KLHL29: variants seen among roughly 807,000 people sequenced by gnomAD.
KLHL29 encodes the protein kelch-like protein 29.
In KLHL29, 21 loss-of-function variants were observed where a neutral mutation model predicts 80.4. That is an observed-to-expected ratio of 0.26 (90% CI 0.19 to 0.38). The LOEUF (loss-of-function observed/expected upper bound fraction) is 0.38, where lower values mean the gene tolerates loss of function less well. Among genes scored for constraint, KLHL29 ranks in the 10% least tolerant of loss-of-function variants. KLHL29 has a pLI of 1.00. For synonymous variants in KLHL29, 511 were observed against 526.8 expected, an observed-to-expected ratio of 0.97 and a Z score of 0.41; for missense variants, 867 against 1,223.9, an observed-to-expected ratio of 0.71 and a Z score of 4.35.
intron 5 of KLHL29, among the ~76,000 whole-genome samples, chr2:23,664,055 T>C (rs189127146): frequency 6.6e-6 from 1 of 152,340 alleles, no homozygotes; most frequent in African/African-American, 2.4e-5. Context: ...AATATGCGCT[T>C]ATGCATTGTA....
At chr2:23,640,100 C>T (rs1220102380) in intron 4 of KLHL29, among the ~76,000 whole-genome samples, 1 of 152,156 alleles carries the variant, frequency 6.6e-6, no homozygotes, top group Non-Finnish European at 1.5e-5. Flanking sequence ...CCAGCAGCTA[C>T]GGTTACCCCT....
At chr2:23,501,415 G>A (rs1218119157) in intron 2 of KLHL29, among the ~76,000 whole-genome samples, 4 of 152,084 alleles carry the variant, frequency 2.6e-5, no homozygotes, top group East Asian at 1.9e-4. Context: ...GGAGATAGCC[G>A]CGGCCGAGAG....
At chr2:23,474,079 A>G (rs1017848736) in intron 1 of KLHL29, among the ~76,000 whole-genome samples, 3 of 152,154 alleles carry the variant, frequency 2.0e-5, no homozygotes, top group Admixed American at 6.5e-5. Flanking sequence ...AATAAATTGC[A>G]TATACTACCT....
chr2:23,657,280 G>A (rs1670273578), intron 5 of KLHL29, among the ~76,000 whole-genome samples: 1 of 152,188 alleles, frequency 6.6e-6, no homozygotes, highest in Non-Finnish European at 1.5e-5. Context: ...GAGGACGAAG[G>A]CAGTTCGTGA....
chr2:23,706,682 C>A lies in KLHL29; in HGVS notation c.*18C>A, dbSNP rs1170540565. The stretch of plus-strand genomic sequence containing the variant: ...GCGGCTGACATCAGCAGAAAGCCCA[C>A]GATAAGACTGTGGACAAGTCTGGTG... On this transcript the variant is annotated 3_prime_UTR_variant, in exon 14 of 14. Coordinates refer to ENST00000486442, the MANE Select transcript of KLHL29 (RefSeq NM_052920.2). 8 of 1,490,756 alleles carry A rather than the reference C, an allele frequency of 5.4e-6. No homozygotes were observed. Among genetic ancestry groups the A allele is most frequent in the Middle Eastern group, 1.7e-4 (1 of 5,818 alleles). The allele number at this position is 1,490,756 out of a possible 1,614,324, so 92.3% of individuals were successfully genotyped here. A position where few individuals can be genotyped will look rare whatever the true frequency, so the allele number is the denominator to read the frequency against.
At chr2:23,496,704 T>C (rs1622147) in intron 2 of KLHL29, among the ~76,000 whole-genome samples, 342 of 152,358 alleles carry the variant, frequency 2.2e-3, no homozygotes, top group Middle Eastern at 0.01. Flanking sequence ...CTGTCTCTGC[T>C]TTGGAAATTT....
At chr2:23,536,261 C>CT (rs1467294853) in intron 2 of KLHL29, among the ~76,000 whole-genome samples, 1 of 152,210 alleles carries the variant, frequency 6.6e-6, no homozygotes, top group Admixed American at 6.5e-5. Context: ...GTGAATTTTA[C>CT]TTTATCGCCC....
At chr2:23,518,272 T>C (rs1191089822) in intron 2 of KLHL29, among the ~76,000 whole-genome samples, 1 of 152,160 alleles carries the variant, frequency 6.6e-6, no homozygotes, top group African/African-American at 2.4e-5. Flanking sequence ...CTTAAGCAGT[T>C]TTCACTGTGA....
chr2:23,561,377 T>A (rs1667442766), intron 2 of KLHL29, among the ~76,000 whole-genome samples: 1 of 152,210 alleles, frequency 6.6e-6, no homozygotes, highest in Non-Finnish European at 1.5e-5. Flanking sequence ...TGGAAGGGCC[T>A]TATGCTCAGA....
At chr2:23,632,778 C>G (rs1204279467) in intron 3 of KLHL29, among the ~76,000 whole-genome samples, 1 of 152,246 alleles carries the variant, frequency 6.6e-6, no homozygotes, top group Non-Finnish European at 1.5e-5. Flanking sequence ...GCCTCCCTGT[C>G]CCACGTGCTC....
In KLHL29 at chr2:23,472,591, G is replaced by A. The variant is rs149906355; in HGVS notation, c.-153-2969G>A. On this transcript the variant is annotated intron_variant, in intron 1 of 13. Transcript: ENST00000486442. Reference sequence around the variant, plus strand: ...GGAGGCTGCAGTGAGCCAAGATTGCGCCACTGCACTCCAGCCTGGGCAACA... The same window carrying A: ...GGAGGCTGCAGTGAGCCAAGATTGCACCACTGCACTCCAGCCTGGGCAACA... Among the ~76,000 whole-genome samples, 300 of 152,246 alleles carry A rather than the reference G, an allele frequency of 2.0e-3. 1 individual carries two copies. The highest frequency in any genetic ancestry group is 6.8e-3 in the Middle Eastern group (2 of 294).
At chr2:23,628,796 C>A (rs1200740655) in intron 3 of KLHL29, among the ~76,000 whole-genome samples, 1 of 152,168 alleles carries the variant, frequency 6.6e-6, no homozygotes, top group Non-Finnish European at 1.5e-5. Context: ...ACCAGCTTCA[C>A]TACGGATTTC....
intron 1 of KLHL29, among the ~76,000 whole-genome samples, chr2:23,467,701 A>C (rs763109254): frequency 9.2e-5 from 14 of 152,224 alleles, no homozygotes; most frequent in Non-Finnish European, 1.9e-4. Flanking sequence ...CTGTAGCAGC[A>C]TCTGCCCGAA....
At chr2:23,529,806 A>G (rs1274620562) in intron 2 of KLHL29, among the ~76,000 whole-genome samples, 1 of 152,142 alleles carries the variant, frequency 6.6e-6, no homozygotes, top group African/African-American at 2.4e-5. Context: ...ACCCGTCCTG[A>G]GACAGCCTGG....
chr2:23,694,322 G>C (rs369895060), intron 8 of KLHL29, among the ~76,000 whole-genome samples: 3 of 152,158 alleles, frequency 2.0e-5, no homozygotes, highest in African/African-American at 7.2e-5. Context: ...GCTCATTCCT[G>C]CCTCCTTCCT....
intron 2 of KLHL29, among the ~76,000 whole-genome samples, chr2:23,559,090 T>C (rs1667373683): frequency 6.6e-6 from 1 of 152,062 alleles, no homozygotes; most frequent in Admixed American, 6.6e-5. Context: ...GGTGCCTGAA[T>C]TGGGTGGGTC....
intron 2 of KLHL29, among the ~76,000 whole-genome samples, chr2:23,489,138 G>A (rs9677559): frequency 0.069 from 10,534 of 152,248 alleles, 520 homozygotes; most frequent in African/African-American, 0.13. Flanking sequence ...AGAACATGGC[G>A]TTTCCGTGGG....
chr2:23,687,051 C>G (rs1045212333), intron 6 of KLHL29, among the ~76,000 whole-genome samples: 5 of 152,134 alleles, frequency 3.3e-5, no homozygotes, highest in Non-Finnish European at 5.9e-5. Context: ...CTTTTCAGTC[C>G]CCTTGGCATC....
rs548417640 is a variant in KLHL29, at chr2:23,409,658, G to A, written c.-154+23878G>A. Among the ~76,000 whole-genome samples, 11 of 152,368 alleles carry A rather than the reference G, an allele frequency of 7.2e-5. 1 individual carries two copies. The East Asian group carries it at 1.3e-3, about 19-fold the overall frequency. ...ACCCAAGCCCATTCTTCATGGTTCAGCAAATCTCTGAGTGCCTTCTGCGTG... is the reference window on the plus strand; with the variant it reads ...ACCCAAGCCCATTCTTCATGGTTCAACAAATCTCTGAGTGCCTTCTGCGTG... On this transcript the variant is annotated intron_variant, in intron 1 of 13. Coordinates refer to ENST00000486442, the MANE Select transcript of KLHL29 (RefSeq NM_052920.2).
Sources: allele counts gnomAD v4.1 joint callset (sites outside exome capture counted in the v4.1 genomes callset), GRCh38; gene constraint gnomAD v4.1.1; transcripts MANE v1.5; gene names NCBI Gene and HGNC (gene_info 2026-07-23, HGNC 2026-07-21).